PHF7: variants seen among roughly 807,000 people sequenced by gnomAD.
PHF7 encodes the protein PHD finger protein 7, also known as E3 ubiquitin-protein ligase PHF7.
PHF7 carries 24 observed loss-of-function variants against 47.5 expected under a neutral mutation model. That is an observed-to-expected ratio of 0.51 (90% CI 0.37 to 0.71). PHF7 has a LOEUF of 0.71. Ranked by LOEUF, PHF7 falls within the 30% of genes least tolerant of loss-of-function variation. The probability of loss-of-function intolerance (pLI) is 0.00; values close to 1 mark genes in which losing one functional copy is unlikely to be tolerated. For synonymous variants in PHF7, 156 were observed against 153.8 expected (o/e 1.01, Z -0.11); for missense variants, 361 against 456.8 (o/e 0.79, Z 1.91).
Position 52,412,869 on chromosome 3 carries a change from GAC to G in PHF7, c.-9_-8del. ...AGAAGAATTCAAGAGAGGAGAGAGA[GAC>G]AGCACCGAATGAAGACTGTAAAAGA... On this transcript the variant is annotated 5_prime_UTR_variant, in exon 2 of 11. Transcript: ENST00000327906. 1 of 1,601,388 alleles carries G rather than the reference GAC, an allele frequency of 6.2e-7. No individual in the cohort carries two copies. The highest frequency in any genetic ancestry group is 1.3e-5 in the African/African-American group (1 of 74,682).
rs200316567 is a variant in PHF7 at position 52,421,699 on chromosome 3, A to C, written c.625A>C (p.Asn209His). 51 of 1,610,228 alleles carry C rather than the reference A, an allele frequency of 3.2e-5. No individual in the cohort carries two copies. The highest frequency in any genetic ancestry group is 3.9e-5 in the Non-Finnish European group (46 of 1,176,530). Residue 209 changes from asparagine to histidine, a missense_variant, in exon 8 of 11, where the codon AAT (asparagine) becomes CAT (histidine). Transcript: ENST00000327906. ...TTTCTTCAAATGTCCACAGTGTAAC[A>C]ATCGAAAAGAGTTTCCTCAAGAAAT... is the stretch of plus-strand genomic sequence containing the variant. ...KHFFKCPQCN[N>H]RKEFPQEMLR... is the part of the protein sequence containing the mutation.
intron 2 of PHF7, among the ~76,000 whole-genome samples, 169 bp from the exon 3 acceptor site, chr3:52,413,825 ACT>A (rs954536325): frequency 4.3e-4 from 66 of 152,212 alleles, no homozygotes; most frequent in Admixed American, 2.7e-3. Flanking sequence ...ACAGAGCAAG[ACT>A]CTGTCTCAAA....
Position 52,423,502 on chromosome 3 carries a change from A to T in PHF7, c.*185A>T. 3.6e-6 allele frequency: 2 copies of T among 554,280 alleles called. No individual in the cohort carries two copies. The highest frequency in any genetic ancestry group is 6.4e-6 in the Non-Finnish European group (2 of 311,220). The allele number at this position is 554,280 out of a possible 1,614,324, so 34.3% of individuals were successfully genotyped here. A position where few individuals can be genotyped will look rare whatever the true frequency, so the allele number is the denominator to read the frequency against. On this transcript the variant is annotated 3_prime_UTR_variant, in exon 11 of 11. Coordinates refer to ENST00000327906, the MANE Select transcript of PHF7 (RefSeq NM_016483.7). ...GAGCAGTCCAGATGCCAACAAGGAA[A>T]TGCGTTTATGGCTACAAGAGTGCCT...
At chr3:52,411,464 A>G (rs1254998054) in intron 1 of PHF7, 1 of 152,344 alleles carries the variant, frequency 6.6e-6, no homozygotes, top group African/African-American at 2.4e-5. Context: ...AGCACAAAGA[A>G]GGGGAGGGCA....
intron 1 of PHF7, among the ~76,000 whole-genome samples, chr3:52,412,431 G>T (rs1165329249): frequency 2.0e-5 from 3 of 152,172 alleles, no homozygotes; most frequent in African/African-American, 7.2e-5. Context: ...TAGGCACAAA[G>T]AAACAACCAT....
chr3:52,422,526 C>A, intron 9 of PHF7, 188 bp downstream of exon 9: 1 of 646,798 alleles, frequency 1.5e-6, no homozygotes, highest in Non-Finnish European at 2.7e-6. Flanking sequence ...CCTGCAAGGT[C>A]CGCTTCACCT....
chr3:52,421,154 G>A (rs1037403218), intron 7 of PHF7, 92 bp downstream of exon 7: 4 of 1,177,362 alleles, frequency 3.4e-6, no homozygotes, highest in Non-Finnish European at 3.6e-6. Context: ...GTGTGCCTCA[G>A]CTTTGGTGCT....
chr3:52,418,709 C>T (rs1043681137), intron 4 of PHF7, among the ~76,000 whole-genome samples: 3 of 152,154 alleles, frequency 2.0e-5, no homozygotes, highest in Admixed American at 2.0e-4. Context: ...TCTGCTCCTC[C>T]TTGTCCTATA....
In PHF7 at chr3:52,423,423, C is replaced by A; in HGVS notation, c.*106C>A. 1 of 693,210 alleles carries A rather than the reference C, an allele frequency of 1.4e-6. No homozygotes were observed. Among genetic ancestry groups the A allele is most frequent in the Non-Finnish European group, 2.5e-6 (1 of 399,946 alleles). The allele number at this position is 693,210 out of a possible 1,614,324, so 42.9% of individuals were successfully genotyped here. ...GGACTGTGAGACAAGGAAGCAGGGC[C>A]AGCAGTGAGACTATGAGCCAAGCAA... On this transcript the variant is annotated 3_prime_UTR_variant, in exon 11 of 11. Coordinates refer to ENST00000327906, the MANE Select transcript of PHF7 (RefSeq NM_016483.7).
intron 9 of PHF7, 107 bp downstream of exon 9, chr3:52,422,445 A>T: frequency 1.2e-6 from 1 of 802,756 alleles, no homozygotes; most frequent in Non-Finnish European, 2.2e-6. Flanking sequence ...TGCAGACCTT[A>T]GGATAAACAC....
rs142492068 is a variant in PHF7, at chr3:52,421,040, T to C, written c.551T>C (p.Ile184Thr). Residue 184 changes from isoleucine to threonine, a missense_variant, in exon 7 of 11, where the codon ATC (isoleucine) becomes ACC (threonine). By Grantham distance (89) the Ile-to-Thr change is moderately conservative. Coordinates refer to ENST00000327906, the MANE Select transcript of PHF7 (RefSeq NM_016483.7). ...CAGAGCCCGTGTTGTAGTCAAGCCA[T>C]CTACCACCGCAAGTGCATACAGGTG... ...NIQSPCCSQA[I>T]YHRKCIQKYA... 53 of 1,612,246 alleles carry C rather than the reference T, an allele frequency of 3.3e-5. No individual in the cohort carries two copies. The African/African-American group carries it at 6.6e-4, about 20-fold the overall frequency.
At chr3:52,416,832 C>CAA (rs55888689) in intron 4 of PHF7, among the ~76,000 whole-genome samples, 33 of 119,002 alleles carry the variant, frequency 2.8e-4, no homozygotes, top group Non-Finnish European at 5.1e-4. Flanking sequence ...GACTCCGTCT[C>CAA]AAAAAAAAAA....
intron 2 of PHF7, among the ~76,000 whole-genome samples, chr3:52,413,765 G>A (rs1191603584): frequency 6.6e-6 from 1 of 152,178 alleles, no homozygotes; most frequent in African/African-American, 2.4e-5. Flanking sequence ...AACCCAGGAG[G>A]CAGAGGTTGC....
chr3:52,412,981 G>A (rs1559597179), intron 2 of PHF7, 61 bp downstream of exon 2: 1 of 1,292,588 alleles, frequency 7.7e-7, no homozygotes, highest in Non-Finnish European at 1.1e-6. Flanking sequence ...GGTATAGGCT[G>A]CACTTTTTGC....
At chr3:52,411,512 C>T (rs549009519) in intron 1 of PHF7, among the ~76,000 whole-genome samples, 42 of 152,202 alleles carry the variant, frequency 2.8e-4, no homozygotes, top group Non-Finnish European at 5.3e-4. Context: ...TTTCCTCAGT[C>T]GTCCTTATTC....
rs575233720 is a variant in PHF7 at position 52,420,897 on chromosome 3, C to A, written c.414-6C>A. ...ACCAGAAACCAAGTCTGTTTACCTG[C>A]CACAGATCATTTTGTGACAAACATC... is the stretch of plus-strand genomic sequence containing the variant. On this transcript the variant is annotated splice_polypyrimidine_tract_variant and splice_region_variant and intron_variant, in intron 6 of 10. Transcript: ENST00000327906. The A allele has an allele frequency of 7.5e-6, 12 of 1,605,176 alleles. 1 individual carries two copies. In the South Asian group the frequency reaches 1.3e-4, roughly 18 times the overall value.
At chr3:52,419,043 G>A (rs948692742) in intron 4 of PHF7, among the ~76,000 whole-genome samples, 3 of 152,014 alleles carry the variant, frequency 2.0e-5, no homozygotes, top group Admixed American at 6.6e-5. Flanking sequence ...GACCTCAGAT[G>A]GTCAGCCCTC....
chr3:52,412,890 TAAAAG>T lies in PHF7; in HGVS notation c.19_23del (p.Lys7GlyfsTer12). The T allele has an allele frequency of 1.2e-6, 2 of 1,610,330 alleles. No individual in the cohort carries two copies. The highest frequency in any genetic ancestry group is 2.2e-5 in the South Asian group (2 of 90,894). On this transcript the variant is annotated frameshift_variant, in exon 2 of 11. Coordinates refer to ENST00000327906, the MANE Select transcript of PHF7 (RefSeq NM_016483.7). LOFTEE classifies it high-confidence loss of function. ...GAGAGACAGCACCGAATGAAGACTGTAAAAGAAAAGAAGGAATGCCAGAGATTGAG... is the reference window on the plus strand; with the variant it reads ...GAGAGACAGCACCGAATGAAGACTGTAAAAGAAGGAATGCCAGAGATTGAG...
intron 4 of PHF7, among the ~76,000 whole-genome samples, chr3:52,417,968 C>T (rs1205869995): frequency 2.0e-5 from 3 of 152,058 alleles, no homozygotes; most frequent in African/African-American, 7.2e-5. Flanking sequence ...ATAGTTTGCC[C>T]AGAGTATCAT....
Sources: allele counts gnomAD v4.1 joint callset (sites outside exome capture counted in the v4.1 genomes callset), GRCh38; gene constraint gnomAD v4.1.1; transcripts MANE v1.5; gene names NCBI Gene and HGNC (gene_info 2026-07-23, HGNC 2026-07-21).